RGS4: variants seen among roughly 807,000 people sequenced by gnomAD.
The protein encoded by RGS4 is regulator of G protein signaling 4.
Under a neutral mutation model 21.6 loss-of-function variants are expected in RGS4, and 15 were observed. The ratio of observed to expected loss-of-function variants is 0.69; its 90% CI spans 0.46 to 1.07. The LOEUF (loss-of-function observed/expected upper bound fraction) is 1.07, where lower values mean the gene tolerates loss of function less well. RGS4 is among the 50% of genes least tolerant of loss of function. The pLI, the probability that RGS4 is intolerant of heterozygous loss-of-function variation, is 0.00. For synonymous variants in RGS4, 94 were observed against 85.5 expected (o/e 1.10, Z -0.55); for missense variants, 237 against 239.0 (o/e 0.99, Z 0.06).
chr1:163,071,581 T>C (rs148200026), intron 1 of RGS4, among the ~76,000 whole-genome samples: 1 of 152,058 alleles, frequency 6.6e-6, no homozygotes, highest in East Asian at 1.9e-4. Context: ...TGGCTACCTA[T>C]TAAATGGTGG....
intron 4 of RGS4, chr1:163,074,048 T>TAA (rs1655416093): frequency 4.1e-6 from 2 of 487,842 alleles, no homozygotes; most frequent in Admixed American, 3.7e-5. Flanking sequence ...CCATGTGGCT[T>TAA]ACCATAACCT....
At position 163,069,393 on chromosome 1, in the gene RGS4, C is replaced by G. The variant is rs1421840321; in HGVS notation, c.-92C>G. 2 of 1,594,036 alleles carry G rather than the reference C, an allele frequency of 1.3e-6. No individual in the cohort carries two copies. The highest frequency in any genetic ancestry group is 1.8e-5 in the Admixed American group (1 of 57,002). ...TCAGAGGATTCTGACAATATCTTTA[C>G]CGGAGAAGAGGCAAAGTACGCTCAA... On this transcript the variant is annotated 5_prime_UTR_variant, in exon 1 of 5. Coordinates refer to ENST00000367909, the MANE Select transcript of RGS4 (RefSeq NM_005613.6).
Position 163,072,453 on chromosome 1 carries a change from C to G in RGS4, c.103C>G (p.His35Asp). The G allele has an allele frequency of 6.2e-7, 1 of 1,613,212 alleles. No homozygotes were observed. Among genetic ancestry groups the G allele is most frequent in the South Asian group, 1.1e-5 (1 of 91,064 alleles). The change falls in exon 2 of 5, where the codon CAC (histidine) becomes GAC (aspartate). Residue 35 changes from histidine to aspartate, a missense_variant. Coordinates refer to ENST00000367909, the MANE Select transcript of RGS4 (RefSeq NM_005613.6). ...GCTGCAAAAATCTGATTCCTGTGAACACAATTCTTCCCACAACAAGAAGGA... is the reference window on the plus strand; with the variant it reads ...GCTGCAAAAATCTGATTCCTGTGAAGACAATTCTTCCCACAACAAGAAGGA... ...FLLQKSDSCE[H>D]NSSHNKKDKV...
chr1:163,068,940 T>C, upstream of RGS4: 1 of 1,598,572 alleles, frequency 6.3e-7, no homozygotes, highest in Non-Finnish European at 8.6e-7. Flanking sequence ...GGACCATGTA[T>C]AATATGATGC....
Position 163,074,427 on chromosome 1 carries a change from A to G in RGS4, c.485A>G (p.Lys162Arg). 1.2e-6 allele frequency: 2 copies of G among 1,613,940 alleles called. No individual in the cohort carries two copies. The highest frequency in any genetic ancestry group is 4.5e-5 in the East Asian group (2 of 44,878). ...AQKKIFNLME[K>R]DSYRRFLKSR... Reference sequence around the variant, plus strand: ...AAGAAGATTTTCAACCTGATGGAGAAGGATTCCTACCGCCGCTTCCTCAAG... The same window carrying G: ...AAGAAGATTTTCAACCTGATGGAGAGGGATTCCTACCGCCGCTTCCTCAAG... The change falls in exon 5 of 5, where the codon AAG becomes AGG. Residue 162 changes from lysine to arginine, a missense_variant. Lys to Arg is a conservative substitution (Grantham distance 26, BLOSUM62 2). Transcript: ENST00000367909.
Position 163,072,375 on chromosome 1 carries a change from T to C in RGS4, c.45-20T>C. 3 of 1,563,848 alleles carry C rather than the reference T, an allele frequency of 1.9e-6. No homozygotes were observed. The highest frequency in any genetic ancestry group is 2.6e-6 in the Non-Finnish European group (3 of 1,137,186). On this transcript the variant is annotated intron_variant, in intron 1 of 4. Coordinates refer to ENST00000367909, the MANE Select transcript of RGS4 (RefSeq NM_005613.6). ...AAAGCTGGTTATTACTATTTATTCA[T>C]TTTTTTCTCTTCTGTGCAGTGCAAA...
chr1:163,069,194 T>G, upstream of RGS4: 2 of 1,514,416 alleles, frequency 1.3e-6, no homozygotes, highest in Non-Finnish European at 1.8e-6. Flanking sequence ...AAGGATTTTC[T>G]CTGCTCGTTC....
At chr1:163,070,597 T>A (rs1164206418) in intron 1 of RGS4, 1 of 152,180 alleles carries the variant, frequency 6.6e-6, no homozygotes, top group Admixed American at 6.6e-5. Context: ...TGAAATAAGT[T>A]CCTCTGACCT....
Position 163,074,691 on chromosome 1 carries a change from G to T in RGS4, c.*131G>T. On this transcript the variant is annotated 3_prime_UTR_variant, in exon 5 of 5. Coordinates refer to ENST00000367909, the MANE Select transcript of RGS4 (RefSeq NM_005613.6). ...GCCTAATATTCATGCTGCCTGCCAT[G>T]TGTGAGTCACTTCTACGCATAAACT... 7.6e-7 allele frequency: 1 copy of T among 1,312,696 alleles called. No individual in the cohort carries two copies. The highest frequency in any genetic ancestry group is 1.8e-4 in the Middle Eastern group (1 of 5,510). 81.3% of individuals were successfully genotyped at this position (1,312,696 alleles called of 1,614,324 possible).
chr1:163,071,139 A>G (rs1250080040), intron 1 of RGS4, among the ~76,000 whole-genome samples: 1 of 152,170 alleles, frequency 6.6e-6, no homozygotes, highest in East Asian at 1.9e-4. Flanking sequence ...TTACATTATC[A>G]CCTTGGAATC....
chr1:163,072,898 T>C (rs780991964), intron 3 of RGS4, 32 bp downstream of exon 3: 1 of 1,579,164 alleles, frequency 6.3e-7, no homozygotes, highest in South Asian at 1.1e-5. Flanking sequence ...GATGAGGTAC[T>C]CTGGATAAGA....
chr1:163,072,536 T>C, intron 2 of RGS4, 37 bp downstream of exon 2: 1 of 1,395,192 alleles, frequency 7.2e-7, no homozygotes, highest in Non-Finnish European at 1.0e-6. Flanking sequence ...GTACTTAGTA[T>C]TAACTATCTG....
chr1:163,071,310 G>A (rs1280723532), intron 1 of RGS4, among the ~76,000 whole-genome samples: 2 of 152,130 alleles, frequency 1.3e-5, no homozygotes, highest in East Asian at 1.9e-4. Flanking sequence ...CAAACTTTCT[G>A]GGAAAACCTA....
In RGS4 at chr1:163,072,792, C is replaced by T. The variant is rs1256132697; in HGVS notation, c.150-13C>T. The T allele has an allele frequency of 1.2e-6, 2 of 1,610,016 alleles. No homozygotes were observed. The highest frequency in any genetic ancestry group is 2.2e-5 in the East Asian group (1 of 44,708). On this transcript the variant is annotated splice_polypyrimidine_tract_variant and intron_variant, in intron 2 of 4. Coordinates refer to ENST00000367909, the MANE Select transcript of RGS4 (RefSeq NM_005613.6). The stretch of plus-strand genomic sequence containing the variant: ...GGCATTCCAATTATTCTGTTTCTCT[C>T]TATTTTTTCTAGAGTGAGCCAAGAG...
intron 1 of RGS4, chr1:163,071,789 T>C (rs1481372995): frequency 7.0e-6 from 1 of 143,710 alleles, no homozygotes; most frequent in Non-Finnish European, 1.5e-5. Context: ...CCATGCTCCA[T>C]TTCCCTCTGC....
Position 163,075,123 on chromosome 1 carries a change from ACACACAC to A in RGS4, c.*564_*570del, listed in dbSNP as rs1571164518. 6.0e-6 allele frequency: 1 copy of A among 167,188 alleles called. No homozygotes were observed. The highest frequency in any genetic ancestry group is 1.3e-5 in the Non-Finnish European group (1 of 76,922). 10.4% of individuals were successfully genotyped at this position (167,188 alleles called of 1,614,324 possible). ...TGTATACACACACACACACACACAC[ACACACAC>A]TTTTGCAAGAGTGATGGGAAAGACC... On this transcript the variant is annotated 3_prime_UTR_variant, in exon 5 of 5. Transcript: ENST00000367909.
At chr1:163,069,645 G>C in intron 1 of RGS4, 117 bp downstream of exon 1, 1 of 825,970 alleles carries the variant, frequency 1.2e-6, no homozygotes, top group Non-Finnish European at 1.9e-6. Context: ...GGTCAGGAGA[G>C]CACGACTTTC....
chr1:163,073,377 C>T (rs1655387168), intron 3 of RGS4, 79 bp from the exon 4 acceptor site: 2 of 1,191,662 alleles, frequency 1.7e-6, no homozygotes, highest in Non-Finnish European at 2.3e-6. Flanking sequence ...CCCCCAAGTA[C>T]CTCAGCTTTA....
intron 1 of RGS4, among the ~76,000 whole-genome samples, chr1:163,071,414 T>A (rs1557858873): frequency 2.0e-5 from 3 of 152,172 alleles, no homozygotes; most frequent in Non-Finnish European, 2.9e-5. Flanking sequence ...GTTATTCATT[T>A]CTTTTAAAAT....
Sources: gnomAD v4.1 joint callset for allele counts (sites outside exome capture counted in the v4.1 genomes callset) on GRCh38, gnomAD v4.1.1 for gene constraint, MANE v1.5 for transcripts, NCBI Gene and HGNC (gene_info 2026-07-23, HGNC 2026-07-21) for gene names.